ZNF154: variants seen among roughly 807,000 people sequenced by gnomAD.
ZNF154 encodes the protein zinc finger protein 154 (pHZ-92).
ZNF154 carries 6 observed loss-of-function variants against 7.5 expected under a neutral mutation model. The ratio of observed to expected loss-of-function variants is 0.80; its 90% confidence interval spans 0.44 to 1.57. ZNF154 has a LOEUF of 1.57. Ranked by LOEUF, ZNF154 falls within the 40% of genes most tolerant of loss-of-function variation. The pLI is 0.01. For missense variants in ZNF154, 485 were observed against 531.4 expected (o/e 0.91, Z 0.86); for synonymous variants, 187 against 185.9 (o/e 1.01, Z -0.05).
rs1201043255 is a variant in ZNF154 at position 57,702,208 on chromosome 19, G to A, written c.741C>T (p.Cys247=). The A allele has an allele frequency of 6.2e-7, 1 of 1,614,196 alleles. No homozygotes were observed. The highest frequency in any genetic ancestry group is 1.1e-5 in the South Asian group (1 of 91,090). The change falls in exon 3 of 3, where the codon TGC becomes TGT. Residue 247 remains cysteine, a synonymous_variant. Transcript: ENST00000684351. ...RVHTGERPYE[C]SECGKSFSQR... is the part of the protein sequence containing the mutation. ...GGCTAAAGGATTTCCCACATTCACT[G>A]CACTCATATGGCCTTTCCCCAGTGT...
chr19:57,703,647 T>C (rs1985277626), intron 2 of ZNF154, among the ~76,000 whole-genome samples: 1 of 152,088 alleles, frequency 6.6e-6, no homozygotes, highest in South Asian at 2.1e-4. Context: ...ATGAGTGCTA[T>C]GTAGAATAGT....
rs1568461634 is a variant in ZNF154, at chr19:57,702,454, T to C, written c.495A>G (p.Glu165=). Residue 165 remains glutamate (E), a synonymous_variant, in exon 3 of 3, where the codon GAA becomes GAG. Coordinates refer to ENST00000684351, the MANE Select transcript of ZNF154 (RefSeq NM_001085384.3). ...LTTERCYICS[E]CGKSFSKSYS... ...AGCTTTTGCTAAAGGATTTCCCACATTCACTGCATATGTAACATCTTTCTG... is the reference window on the plus strand; with the variant it reads ...AGCTTTTGCTAAAGGATTTCCCACACTCACTGCATATGTAACATCTTTCTG... 1.2e-6 allele frequency: 2 copies of C among 1,614,246 alleles called. No homozygotes were observed. The highest frequency in any genetic ancestry group is 2.2e-5 in the East Asian group (1 of 44,886).
intron 1 of ZNF154, among the ~76,000 whole-genome samples, chr19:57,705,772 A>T (rs1985362937): frequency 6.8e-6 from 1 of 146,796 alleles, no homozygotes; most frequent in Admixed American, 6.8e-5. Flanking sequence ...AAAAAAAAGA[A>T]AGATGATATA....
chr19:57,702,849 G>GTGTC, intron 2 of ZNF154, 61 bp from the exon 3 acceptor site: 1 of 1,507,500 alleles, frequency 6.6e-7, no homozygotes, highest in East Asian at 2.3e-5. Flanking sequence ...TGCCTATGAT[G>GTGTC]TGTCCCCTAG....
rs541377361 is a variant in ZNF154 at position 57,700,709 on chromosome 19, C to T, written c.*926G>A. 6.6e-6 allele frequency: 1 copy of T among 152,370 alleles called. No individual in the cohort carries two copies. Among genetic ancestry groups the T allele is most frequent in the South Asian group, 2.1e-4 (1 of 4,826 alleles). The allele number at this position is 152,370 out of a possible 1,614,324, so 9.4% of individuals were successfully genotyped here. On this transcript the variant is annotated 3_prime_UTR_variant, in exon 3 of 3. Transcript: ENST00000684351. ...GGATGTCAAGTAACTGCTGCCTCCT[C>T]AGGCTGACCTCTATGGCATCCAGGA...
chr19:57,704,737 A>T, intron 2 of ZNF154, 116 bp downstream of exon 2: 1 of 1,384,270 alleles, frequency 7.2e-7, no homozygotes. Context: ...CTATGCAGGG[A>T]ACTGAGAAAG....
Position 57,698,280 on chromosome 19 carries a change from C to T in ZNF154, c.*3355G>A, listed in dbSNP as rs1488447304. The T allele has an allele frequency of 6.6e-6, 1 of 152,132 alleles. No homozygotes were observed. Among genetic ancestry groups the T allele is most frequent in the Non-Finnish European group, 1.5e-5 (1 of 68,012 alleles). The allele number at this position is 152,132 out of a possible 1,614,324, so 9.4% of individuals were successfully genotyped here. On this transcript the variant is annotated 3_prime_UTR_variant, in exon 3 of 3. Transcript: ENST00000684351. ...TAATGGAAAGTAAATCAATAGTTGC[C>T]TATAGGCAGATAATTATTAAAGGAC...
At position 57,697,679 on chromosome 19, in the gene ZNF154, A is replaced by T. The variant is rs560056994; in HGVS notation, c.*3956T>A. The T allele has an allele frequency of 6.6e-6, 1 of 152,298 alleles. No individual in the cohort carries two copies. The highest frequency in any genetic ancestry group is 1.9e-4 in the East Asian group (1 of 5,186). 9.4% of individuals were successfully genotyped at this position (152,298 alleles called of 1,614,324 possible). A position where few individuals can be genotyped will look rare whatever the true frequency, so the allele number is the denominator to read the frequency against. Reference sequence around the variant, plus strand: ...TGCATTAAATAATATGATATCCGGGAGTATAAGTAAAATAACGCACTAGTA... The same window carrying T: ...TGCATTAAATAATATGATATCCGGGTGTATAAGTAAAATAACGCACTAGTA... On this transcript the variant is annotated 3_prime_UTR_variant, in exon 3 of 3. Coordinates refer to ENST00000684351, the MANE Select transcript of ZNF154 (RefSeq NM_001085384.3).
At chr19:57,702,809 T>C (rs1184096243) in intron 2 of ZNF154, 21 bp from the exon 3 acceptor site, 5 of 1,584,342 alleles carry the variant, frequency 3.2e-6, no homozygotes, top group Non-Finnish European at 3.4e-6. Context: ...ATACAATTAT[T>C]TCCCACATGC....
intron 1 of ZNF154, among the ~76,000 whole-genome samples, chr19:57,708,169 T>G (rs911383595): frequency 5.9e-5 from 9 of 152,218 alleles, no homozygotes; most frequent in African/African-American, 2.2e-4. Context: ...TGTCACCTCT[T>G]GCCAACTGTA....
In ZNF154 at chr19:57,708,929, C is replaced by T. The variant is rs1358463039; in HGVS notation, c.33+10G>A. Reference sequence around the variant, plus strand: ...GAAGGTGTGTGAGGACGGGAAGACGCCGCACTCACCTGAGTTGGCGTCCTC... The same window carrying T: ...GAAGGTGTGTGAGGACGGGAAGACGTCGCACTCACCTGAGTTGGCGTCCTC... On this transcript the variant is annotated intron_variant, in intron 1 of 2. Coordinates refer to ENST00000684351, the MANE Select transcript of ZNF154 (RefSeq NM_001085384.3). 1.3e-6 allele frequency: 2 copies of T among 1,559,982 alleles called. No homozygotes were observed. Among genetic ancestry groups the T allele is most frequent in the Non-Finnish European group, 1.7e-6 (2 of 1,152,370 alleles).
chr19:57,709,066 C>G lies in ZNF154; in HGVS notation c.-95G>C. 1 of 1,521,826 alleles carries G rather than the reference C, an allele frequency of 6.6e-7. No homozygotes were observed. The highest frequency in any genetic ancestry group is 8.9e-7 in the Non-Finnish European group (1 of 1,123,308). The allele number at this position is 1,521,826 out of a possible 1,614,324, so 94.3% of individuals were successfully genotyped here. A position where few individuals can be genotyped will look rare whatever the true frequency, so the allele number is the denominator to read the frequency against. On this transcript the variant is annotated 5_prime_UTR_variant, in exon 1 of 3. Transcript: ENST00000684351. The stretch of plus-strand genomic sequence containing the variant: ...CTATCCCAGGCCTGACGTGGGTCCC[C>G]CAGGGCGGCGTCGCCAAGGCTTAGA...
chr19:57,708,216 A>G (rs1335202605), intron 1 of ZNF154, among the ~76,000 whole-genome samples: 3 of 152,158 alleles, frequency 2.0e-5, no homozygotes, highest in Non-Finnish European at 4.4e-5. Context: ...CCACTATCTC[A>G]ATGTCCTCAT....
At chr19:57,707,113 C>CAAGAAAAAA (rs1985424887) in intron 1 of ZNF154, among the ~76,000 whole-genome samples, 1 of 94,302 alleles carries the variant, frequency 1.1e-5, no homozygotes, top group African/African-American at 4.4e-5. Flanking sequence ...CACTCCATCT[C>CAAGAAAAAA]AAAAAAAAAA....
chr19:57,704,770 A>G (rs778595219), intron 2 of ZNF154, 83 bp downstream of exon 2: 31 of 1,526,840 alleles, frequency 2.0e-5, no homozygotes, highest in Non-Finnish European at 2.7e-5. Context: ...TAGTCTTGTC[A>G]TGAGAAGGAC....
Position 57,701,653 on chromosome 19 carries a change from C to G in ZNF154, c.1296G>C (p.Gln432His). 1 of 1,612,422 alleles carries G rather than the reference C, an allele frequency of 6.2e-7. No homozygotes were observed. Among genetic ancestry groups the G allele is most frequent in the Non-Finnish European group, 8.5e-7 (1 of 1,178,534 alleles). Reference protein sequence around the residue: ...FSHNSSLIKHQRIHSR With the variant: ...FSHNSSLIKHHRIHSR ...AAGGCTTTTATCGACTATGAATTCT[C>G]TGATGTTTAATAAGGCTGGAGTTAT... The change falls in exon 3 of 3, where the codon CAG becomes CAC. Residue 432 changes from glutamine (Q) to histidine (H), a missense_variant. Transcript: ENST00000684351.
rs1250359324 is a variant in ZNF154 at position 57,702,472 on chromosome 19, T to A, written c.477A>T (p.Arg159Ser). The change falls in exon 3 of 3, where the codon AGA becomes AGT. Residue 159 changes from arginine (R) to serine (S), a missense_variant. Physicochemically the swap from Arg to Ser is moderately radical, Grantham distance 110 (BLOSUM62 -1). Transcript: ENST00000684351. ...TCCCACATTCACTGCATATGTAACATCTTTCTGTAGTGAGGGTTCTCTGCT... is the reference window on the plus strand; with the variant it reads ...TCCCACATTCACTGCATATGTAACAACTTTCTGTAGTGAGGGTTCTCTGCT... Reference protein sequence around the residue: ...VQQQRTLTTERCYICSECGKS... With the variant: ...VQQQRTLTTESCYICSECGKS... The A allele has an allele frequency of 1.2e-6, 2 of 1,614,260 alleles. No homozygotes were observed. Among genetic ancestry groups the A allele is most frequent in the Middle Eastern group, 1.6e-4 (1 of 6,062 alleles).
At position 57,696,283 on chromosome 19, in the gene ZNF154, G is replaced by A. The variant is rs994051840; in HGVS notation, c.*5352C>T. On this transcript the variant is annotated 3_prime_UTR_variant, in exon 3 of 3. Transcript: ENST00000684351. ...CAAAAATTCCATCCAAGTAGAAGCT[G>A]TGGGGTCAGGGGGTTCTAAGAAGCC... 6.6e-6 allele frequency among the ~76,000 whole-genome samples: 1 copy of A among 152,136 alleles called. No homozygotes were observed. Among genetic ancestry groups the A allele is most frequent in the East Asian group, 1.9e-4 (1 of 5,170 alleles).
In ZNF154 at chr19:57,701,613, A is replaced by G. The variant is rs760908470; in HGVS notation, c.*22T>C. On this transcript the variant is annotated 3_prime_UTR_variant, in exon 3 of 3. Transcript: ENST00000684351. ...TCTCCAGGGTGCTAACAGATTTTCCACATTTGCCACTCATAAGGCTTTTAT... is the reference window on the plus strand; with the variant it reads ...TCTCCAGGGTGCTAACAGATTTTCCGCATTTGCCACTCATAAGGCTTTTAT... 2 of 1,601,204 alleles carry G rather than the reference A, an allele frequency of 1.2e-6. No homozygotes were observed. Among genetic ancestry groups the G allele is most frequent in the Non-Finnish European group, 1.7e-6 (2 of 1,171,832 alleles).
Sources: gnomAD v4.1 joint callset for allele counts (sites outside exome capture counted in the v4.1 genomes callset) on GRCh38, gnomAD v4.1.1 for gene constraint, MANE v1.5 for transcripts, NCBI Gene and HGNC (gene_info 2026-07-23, HGNC 2026-07-21) for gene names.